The following FAM107B variants were observed in gnomAD, a reference collection of about 807,000 sequenced individuals.
FAM107B encodes the protein protein FAM107B.
In FAM107B, 21 loss-of-function variants were observed where a neutral mutation model predicts 31.5. The ratio of observed to expected loss-of-function variants is 0.67; its 90% CI spans 0.47 to 0.96. The LOEUF is 0.96. Ranked by LOEUF, FAM107B falls within the 40% of genes least tolerant of loss-of-function variation. The pLI, the probability that FAM107B is intolerant of heterozygous loss-of-function variation, is 0.00. For synonymous variants in FAM107B, 157 were observed against 141.5 expected (o/e 1.11, Z -0.78); for missense variants, 452 against 377.1 (o/e 1.20, Z -1.64).
At chr10:14,550,764 T>A (rs1298155439) in intron 2 of FAM107B, among the ~76,000 whole-genome samples, 1 of 152,194 alleles carries the variant, frequency 6.6e-6, no homozygotes, top group Admixed American at 6.5e-5. Flanking sequence ...AGGTCAGAAC[T>A]TTTTTTAACA....
At chr10:14,573,597 A>G (rs1851364852) in intron 2 of FAM107B, among the ~76,000 whole-genome samples, 1 of 145,156 alleles carries the variant, frequency 6.9e-6, no homozygotes. Context: ...AAAAAAAATT[A>G]GCAGGACATG....
intron 1 of FAM107B, among the ~76,000 whole-genome samples, chr10:14,765,119 C>T (rs1165613900): frequency 6.6e-6 from 1 of 152,216 alleles, no homozygotes; most frequent in African/African-American, 2.4e-5. Flanking sequence ...CTCTCTCCCC[C>T]AATATATCAA....
In FAM107B at chr10:14,757,555, C is replaced by T. The variant is rs564882543; in HGVS notation, c.411+16698G>A. ...GCCAGACGGAGCGAATCCAAAATTT[C>T]CCTGCAGAAAGTTGAGAGATTGAGA... On this transcript the variant is annotated intron_variant, in intron 1 of 4. Transcript: ENST00000181796. Among the ~76,000 whole-genome samples, 361 of 152,298 alleles carry T rather than the reference C, an allele frequency of 2.4e-3. 1 individual carries two copies. The highest frequency in any genetic ancestry group is 4.0e-3 in the Non-Finnish European group (273 of 68,032).
In FAM107B at chr10:14,519,765, A is replaced by C. The variant is rs186677730; in HGVS notation, c.*1425T>G. 2.0e-5 allele frequency: 3 copies of C among 152,376 alleles called. No homozygotes were observed. The highest frequency in any genetic ancestry group is 7.2e-5 in the African/African-American group (3 of 41,568). The allele number at this position is 152,376 out of a possible 1,614,324, so 9.4% of individuals were successfully genotyped here. ...TAGATCCAGCTTTCTATGAGTCTTC[A>C]AAGAAAGTATGAGAAGTCTCTCCAA... On this transcript the variant is annotated 3_prime_UTR_variant, in exon 5 of 5. Coordinates refer to ENST00000181796, the MANE Select transcript of FAM107B (RefSeq NM_031453.4).
chr10:14,758,908 G>A (rs1165174235), intron 1 of FAM107B, among the ~76,000 whole-genome samples: 2 of 137,676 alleles, frequency 1.5e-5, no homozygotes, highest in African/African-American at 5.4e-5. Flanking sequence ...GCCAGGCACA[G>A]AGGCTCATGC....
At chr10:14,732,295 C>T (rs1856192552) in intron 1 of FAM107B, among the ~76,000 whole-genome samples, 1 of 152,154 alleles carries the variant, frequency 6.6e-6, no homozygotes, top group African/African-American at 2.4e-5. Context: ...CCTATTTCTC[C>T]ACTCTATAAA....
intron 2 of FAM107B, among the ~76,000 whole-genome samples, chr10:14,666,916 C>T (rs75184220): frequency 0.064 from 9,814 of 152,216 alleles, 377 homozygotes; most frequent in South Asian, 0.13. Context: ...TCCCTAATTT[C>T]CATTAAAGTA....
rs544779974 is a variant in FAM107B, at chr10:14,628,405, A to G, written c.469+39229T>C. On this transcript the variant is annotated intron_variant, in intron 2 of 4. Transcript: ENST00000181796. ...AGTGTTGGGATTACAGGCGTGAGCC[A>G]CTGCACCCGGCCCATAGCTCTATCT... Among the ~76,000 whole-genome samples the G allele has an allele frequency of 4.2e-3, 642 of 152,250 alleles. 2 individuals carry two copies. Among genetic ancestry groups the G allele is most frequent in the Non-Finnish European group, 6.9e-3 (467 of 68,018 alleles).
At chr10:14,771,655 C>T (rs773991301) in intron 1 of FAM107B, among the ~76,000 whole-genome samples, 2 of 151,970 alleles carry the variant, frequency 1.3e-5, no homozygotes, top group African/African-American at 2.4e-5. Flanking sequence ...ATAATTATAT[C>T]GACATCAACA....
At chr10:14,763,885 A>T (rs1833108244) in intron 1 of FAM107B, among the ~76,000 whole-genome samples, 1 of 152,272 alleles carries the variant, frequency 6.6e-6, no homozygotes, top group South Asian at 2.1e-4. Context: ...TTAAGGGTAT[A>T]CACATTGCTG....
intron 1 of FAM107B, among the ~76,000 whole-genome samples, chr10:14,718,363 G>C (rs1031552625): frequency 6.7e-6 from 1 of 149,228 alleles, no homozygotes; most frequent in African/African-American, 2.5e-5. Flanking sequence ...GGAAGGGAGG[G>C]AGGGAAAGAA....
At chr10:14,583,729 TGGAA>T (rs1344571906) in intron 2 of FAM107B, among the ~76,000 whole-genome samples, 2 of 151,916 alleles carry the variant, frequency 1.3e-5, no homozygotes, top group Non-Finnish European at 2.9e-5. Context: ...AAGTTGACAG[TGGAA>T]GGAAACTACA....
chr10:14,576,298 G>A (rs1000639276), intron 2 of FAM107B, among the ~76,000 whole-genome samples: 3 of 152,206 alleles, frequency 2.0e-5, no homozygotes, highest in Non-Finnish European at 4.4e-5. Context: ...GGAGGCCGAG[G>A]CGGGTGGATC....
At chr10:14,586,156 T>C (rs902358407) in intron 2 of FAM107B, among the ~76,000 whole-genome samples, 1 of 152,180 alleles carries the variant, frequency 6.6e-6, no homozygotes, top group Non-Finnish European at 1.5e-5. Flanking sequence ...GAATTCCTCA[T>C]GTGCTAGTTC....
At chr10:14,720,744 T>C (rs1855891615) in intron 1 of FAM107B, among the ~76,000 whole-genome samples, 1 of 152,184 alleles carries the variant, frequency 6.6e-6, no homozygotes, top group South Asian at 2.1e-4. Flanking sequence ...AGAACCAAAG[T>C]AATCCAGAGG....
At chr10:14,523,294 T>C (rs969968319) in intron 3 of FAM107B, among the ~76,000 whole-genome samples, 1 of 151,812 alleles carries the variant, frequency 6.6e-6, no homozygotes, top group Non-Finnish European at 1.5e-5. Flanking sequence ...CTCAACTTGA[T>C]GTTAAAATTT....
At chr10:14,696,047 A>G (rs2688837) in intron 1 of FAM107B, among the ~76,000 whole-genome samples, 49,221 of 151,852 alleles carry the variant, frequency 0.32, 8,117 homozygotes, top group Admixed American at 0.36. Flanking sequence ...GGGCATCCTT[A>G]ACTTGTACCA....
At chr10:14,622,366 G>T (rs904516812) in intron 2 of FAM107B, among the ~76,000 whole-genome samples, 9 of 150,090 alleles carry the variant, frequency 6.0e-5, no homozygotes, top group Admixed American at 6.6e-5. Flanking sequence ...GGGGTGCAGT[G>T]GTGTGATCTC....
At chr10:14,659,641 G>A (rs75060511) in intron 2 of FAM107B, among the ~76,000 whole-genome samples, 2 of 152,166 alleles carry the variant, frequency 1.3e-5, no homozygotes, top group East Asian at 3.8e-4. Context: ...AAAATCAGAG[G>A]GGTGTGTGAC....
Sources: gnomAD v4.1 joint callset for allele counts (sites outside exome capture counted in the v4.1 genomes callset) on GRCh38, gnomAD v4.1.1 for gene constraint, MANE v1.5 for transcripts, NCBI Gene and HGNC (gene_info 2026-07-23, HGNC 2026-07-21) for gene names.